FBXO31: variants seen among roughly 807,000 people sequenced by gnomAD.
FBXO31 encodes F-box only protein 31.
Under a neutral mutation model 54.4 loss-of-function variants are expected in FBXO31, and 24 were observed. The ratio of observed to expected loss-of-function variants is 0.44; its 90% confidence interval spans 0.32 to 0.62. The LOEUF is 0.62. FBXO31 is among the 20% of genes least tolerant of loss of function. FBXO31 has a pLI of 0.05. For synonymous variants in FBXO31, 388 were observed against 335.6 expected (o/e 1.16, Z -1.71); for missense variants, 665 against 787.1 (o/e 0.84, Z 1.86).
intron 1 of FBXO31, among the ~76,000 whole-genome samples, chr16:87,381,153 A>G (rs1391806472): frequency 6.6e-6 from 1 of 152,194 alleles, no homozygotes. Context: ...CTTTGTCTCA[A>G]TCTTAAAATG....
At chr16:87,351,286 G>A (rs530831404) in intron 2 of FBXO31, among the ~76,000 whole-genome samples, 31 of 152,288 alleles carry the variant, frequency 2.0e-4, no homozygotes, top group African/African-American at 7.2e-4. Context: ...AGCTGGACAC[G>A]TACGAGTGTG....
chr16:87,355,998 C>T (rs1275975726), intron 2 of FBXO31, among the ~76,000 whole-genome samples: 1 of 152,130 alleles, frequency 6.6e-6, no homozygotes, highest in African/African-American at 2.4e-5. Context: ...TTGAAAAGCC[C>T]TTGCCCAATC....
At chr16:87,366,020 C>A (rs964306251) in intron 1 of FBXO31, among the ~76,000 whole-genome samples, 12 of 152,168 alleles carry the variant, frequency 7.9e-5, no homozygotes, top group Non-Finnish European at 1.5e-4. Flanking sequence ...CAGTGTGAGA[C>A]TGCTTCTCAA....
upstream of FBXO31, chr16:87,391,748 A>C (rs1255476859): frequency 1.1e-4 from 16 of 152,244 alleles, no homozygotes; most frequent in Admixed American, 1.0e-3. Flanking sequence ...CACTCCCCGG[A>C]AGCCACCCAC....
At chr16:87,376,538 G>C (rs1251465825) in intron 1 of FBXO31, among the ~76,000 whole-genome samples, 1 of 152,174 alleles carries the variant, frequency 6.6e-6, no homozygotes, top group Non-Finnish European at 1.5e-5. Context: ...GCCTCCCAAA[G>C]TGCTGGGATT....
chr16:87,342,753 C>T, intron 5 of FBXO31, 124 bp downstream of exon 5: 2 of 756,560 alleles, frequency 2.6e-6, no homozygotes, highest in African/African-American at 3.5e-5. Flanking sequence ...CCGGCTGAAC[C>T]ATGTGAAACA....
intron 3 of FBXO31, 35 bp from the exon 4 acceptor site, chr16:87,343,800 C>T (rs1905269946): frequency 6.2e-7 from 1 of 1,611,658 alleles, no homozygotes; most frequent in Non-Finnish European, 8.5e-7. Flanking sequence ...CCATGAGTGG[C>T]TCCCGGGCCA....
In FBXO31 at chr16:87,331,286, G is replaced by C. The variant is rs143929122; in HGVS notation, c.*2C>G. 1.2e-5 allele frequency: 19 copies of C among 1,612,252 alleles called. No individual in the cohort carries two copies. The African/African-American group carries it at 2.5e-4, about 22-fold the overall frequency. Reference sequence around the variant, plus strand: ...GGGATGTGGCGGCAAGGATGTGGCCGGTCAGGAGGTGAGGGACTGAATGTT... The same window carrying C: ...GGGATGTGGCGGCAAGGATGTGGCCCGTCAGGAGGTGAGGGACTGAATGTT... On this transcript the variant is annotated 3_prime_UTR_variant, in exon 9 of 9. Transcript: ENST00000311635.
chr16:87,383,786 C>G (rs1016374817), upstream of FBXO31: 7 of 1,163,032 alleles, frequency 6.0e-6, no homozygotes, highest in African/African-American at 6.5e-5. The surrounding 1 kb of genome is among the most constrained non-coding windows in gnomAD (Gnocchi z 4.9). Context: ...TGCGCACGCT[C>G]CAGCGCGGCC....
chr16:87,352,659 C>A (rs934637604), intron 2 of FBXO31, among the ~76,000 whole-genome samples: 8 of 152,184 alleles, frequency 5.3e-5, no homozygotes, highest in Non-Finnish European at 1.0e-4. Context: ...TCCAGGACCC[C>A]ACTCTGGGAG....
rs1456658097 is a variant in FBXO31 at position 87,336,836 on chromosome 16, T to TCCG, written c.733-575_733-573dup. On this transcript the variant is annotated intron_variant, in intron 5 of 8. Transcript: ENST00000311635. The surrounding 1 kb of genome is among the most constrained non-coding windows in gnomAD (Gnocchi z 6.5). ...CCCAAAAACTCCGCAGCCCCACCAG[T>TCCG]CCGCCCTGCATTCTGCCATCACATG... 3.3e-5 allele frequency among the ~76,000 whole-genome samples: 5 copies of TCCG among 152,202 alleles called. No homozygotes were observed. Among genetic ancestry groups the TCCG allele is most frequent in the Non-Finnish European group, 7.4e-5 (5 of 68,024 alleles).
intron 5 of FBXO31, among the ~76,000 whole-genome samples, chr16:87,341,865 C>T (rs1189695911): frequency 1.3e-5 from 2 of 152,162 alleles, no homozygotes; most frequent in Non-Finnish European, 2.9e-5. Context: ...TCTCAACCTT[C>T]TCTGCAGTCC....
chr16:87,379,804 T>A (rs940593257), intron 1 of FBXO31, among the ~76,000 whole-genome samples: 3 of 151,014 alleles, frequency 2.0e-5, no homozygotes, highest in Admixed American at 2.0e-4. Flanking sequence ...GCCAGGCTGG[T>A]CTCCAACTCC....
At chr16:87,382,443 A>C (rs2150700565) in intron 1 of FBXO31, among the ~76,000 whole-genome samples, 3 of 152,302 alleles carry the variant, frequency 2.0e-5, no homozygotes, top group Admixed American at 2.0e-4. Flanking sequence ...CTTGAACATC[A>C]AAGAGCTGTC....
rs1905021594 is a variant in FBXO31, at chr16:87,335,527, C to T, written c.843-70G>A. ...GCAGGACTGAGAACGCCCAAGGTGC[C>T]AGGGATGAGCTTTGCAGGGCGGGGT... is the stretch of plus-strand genomic sequence containing the variant. On this transcript the variant is annotated intron_variant, in intron 6 of 8. Transcript: ENST00000311635. This position sits in a 1 kb window ranked among gnomAD's most constrained non-coding sequence, Gnocchi z 5.7. 2 of 1,397,858 alleles carry T rather than the reference C, an allele frequency of 1.4e-6. No individual in the cohort carries two copies. Among genetic ancestry groups the T allele is most frequent in the Non-Finnish European group, 1.9e-6 (2 of 1,026,926 alleles). 86.6% of individuals were successfully genotyped at this position (1,397,858 alleles called of 1,614,324 possible).
chr16:87,379,761 A>C lies in FBXO31; in HGVS notation c.340+3644T>G, dbSNP rs528869227. Among the ~76,000 whole-genome samples the C allele has an allele frequency of 6.0e-4, 91 of 151,702 alleles. 1 individual carries two copies. Among genetic ancestry groups the C allele is most frequent in the East Asian group, 1.2e-3 (6 of 5,064 alleles). On this transcript the variant is annotated intron_variant, in intron 1 of 8. Coordinates refer to ENST00000311635, the MANE Select transcript of FBXO31 (RefSeq NM_024735.5). ...CACCACCACACCCAGCTAATTTTTG[A>C]ATTTTTAGTAGAGACGGGGTTTCAC... is the stretch of plus-strand genomic sequence containing the variant.
chr16:87,383,818 A>C (rs1417913199), upstream of FBXO31: 19 of 1,049,310 alleles, frequency 1.8e-5, no homozygotes, highest in Non-Finnish European at 2.0e-5. This position sits in a 1 kb window ranked among gnomAD's most constrained non-coding sequence, Gnocchi z 4.9. Context: ...GCGCCGAGCC[A>C]CGCCCCCGCC....
intron 1 of FBXO31, among the ~76,000 whole-genome samples, chr16:87,363,641 G>GT (rs1430428779): frequency 1.3e-5 from 2 of 151,992 alleles, no homozygotes; most frequent in Admixed American, 6.6e-5. Context: ...GGAATAAATA[G>GT]TTTTTTAATG....
Position 87,336,162 on chromosome 16 carries a change from G to A in FBXO31, c.835C>T (p.Gln279Ter). ...AGCAGGAGCCGCACTCACTCGTACT[G>A]ACTGGTGTAGATGAACTTCATCAGG... ...LILMKFIYTS[Q>*]YDNCLTYRRI... is the part of the protein sequence containing the mutation. The change falls in exon 6 of 9, where the codon CAG becomes TAG. Residue 279 changes from glutamine (Q) to a stop codon, truncating the protein, a stop_gained. Transcript: ENST00000311635. LOFTEE classifies it high-confidence loss of function. This position sits in a 1 kb window ranked among gnomAD's most constrained non-coding sequence, Gnocchi z 6.5. The A allele has an allele frequency of 6.2e-7, 1 of 1,613,678 alleles. No individual in the cohort carries two copies. Among genetic ancestry groups the A allele is most frequent in the Non-Finnish European group, 8.5e-7 (1 of 1,179,586 alleles).
Sources: gnomAD v4.1 joint callset for allele counts (sites outside exome capture counted in the v4.1 genomes callset) on GRCh38, gnomAD v4.1.1 for gene constraint, Gnocchi (gnomAD v3.1) non-coding constraint, MANE v1.5 for transcripts, NCBI Gene and HGNC (gene_info 2026-07-23, HGNC 2026-07-21) for gene names.